Variants in IQGAP2 observed in about 807,000 individuals in gnomAD.
The protein encoded by IQGAP2 is ras GTPase-activating-like protein IQGAP2.
In IQGAP2, 173 loss-of-function variants were observed where a neutral mutation model predicts 201.3. The observed-to-expected ratio is 0.86, with a 90% CI of 0.76 to 0.98. The LOEUF is 0.98. IQGAP2 is among the 50% of genes least tolerant of loss of function. The pLI, the probability that IQGAP2 is intolerant of heterozygous loss-of-function variation, is 0.00. For missense variants in IQGAP2, 1,687 were observed against 1,864.8 expected, an observed-to-expected ratio of 0.90 and a Z score of 1.76; for synonymous variants, 675 against 673.9, an observed-to-expected ratio of 1.00 and a Z score of -0.03.
At chr5:76,619,659 A>G (rs987506112) in intron 13 of IQGAP2, among the ~76,000 whole-genome samples, 3 of 151,518 alleles carry the variant, frequency 2.0e-5, no homozygotes, top group Non-Finnish European at 4.4e-5. Flanking sequence ...TGGGACTACA[A>G]GCGCCCGCCA....
rs1250912640 is a variant in IQGAP2, at chr5:76,707,220, TGAA to T, written c.4637_4639del (p.Glu1546del). ...TTCAGGATTTACTTCAGATGCAATA[TGAA>T]GGAGTAGCTGTAATGAAAATGTTTG... On this transcript the variant is annotated inframe_deletion, in exon 36 of 36. Transcript: ENST00000274364. 1 of 1,495,330 alleles carries T rather than the reference TGAA, an allele frequency of 6.7e-7. No homozygotes were observed. The highest frequency in any genetic ancestry group is 9.3e-7 in the Non-Finnish European group (1 of 1,072,370). The allele number at this position is 1,495,330 out of a possible 1,614,324, so 92.6% of individuals were successfully genotyped here.
chr5:76,506,183 T>G (rs919020748), intron 2 of IQGAP2, among the ~76,000 whole-genome samples: 1 of 152,196 alleles, frequency 6.6e-6, no homozygotes, highest in Non-Finnish European at 1.5e-5. Context: ...TCTGAGGACT[T>G]GATCCATTCG....
intron 1 of IQGAP2, among the ~76,000 whole-genome samples, chr5:76,415,578 CATAGAGA>C (rs1751361559): frequency 6.6e-6 from 1 of 152,184 alleles, no homozygotes; most frequent in African/African-American, 2.4e-5. Context: ...TGTGTACATG[CATAGAGA>C]ATGAGGGACA....
At chr5:76,493,685 A>C (rs937517577) in intron 2 of IQGAP2, among the ~76,000 whole-genome samples, 1 of 152,144 alleles carries the variant, frequency 6.6e-6, no homozygotes, top group Non-Finnish European at 1.5e-5. Context: ...TTAAGGCAGG[A>C]ATCAGCTTCT....
At chr5:76,625,537 T>C (rs1029015161) in intron 13 of IQGAP2, among the ~76,000 whole-genome samples, 13 of 152,224 alleles carry the variant, frequency 8.5e-5, no homozygotes, top group African/African-American at 3.1e-4. Flanking sequence ...AAAATCTTGC[T>C]GATGCTTCCC....
chr5:76,585,333 A>G (rs1262417423), intron 5 of IQGAP2, among the ~76,000 whole-genome samples: 1 of 152,120 alleles, frequency 6.6e-6, no homozygotes, highest in Non-Finnish European at 1.5e-5. Flanking sequence ...GTCTGCTTAC[A>G]TTTTACTGTA....
intron 2 of IQGAP2, among the ~76,000 whole-genome samples, chr5:76,496,529 G>T (rs1233672545): frequency 6.6e-6 from 1 of 152,176 alleles, no homozygotes; most frequent in African/African-American, 2.4e-5. Flanking sequence ...TCTACTGTTG[G>T]GTAGAGGCAA....
At chr5:76,693,757 T>C (rs914287032) in intron 31 of IQGAP2, 1 of 207,114 alleles carries the variant, frequency 4.8e-6, no homozygotes, top group African/African-American at 2.3e-5. Flanking sequence ...GAGAGAGTTC[T>C]AGCTGACAGG....
At chr5:76,646,255 T>C (rs529641386) in intron 17 of IQGAP2, among the ~76,000 whole-genome samples, 1 of 152,368 alleles carries the variant, frequency 6.6e-6, no homozygotes, top group South Asian at 2.1e-4. Context: ...TGAACAACTG[T>C]TGGTGACATC....
At chr5:76,666,804 C>T (rs981776562) in intron 22 of IQGAP2, among the ~76,000 whole-genome samples, 16 of 152,138 alleles carry the variant, frequency 1.1e-4, no homozygotes, top group African/African-American at 2.7e-4. Flanking sequence ...AGTGCAGTGG[C>T]GCAACCACAG....
At chr5:76,613,218 G>T (rs1349113586) in intron 13 of IQGAP2, among the ~76,000 whole-genome samples, 1 of 152,242 alleles carries the variant, frequency 6.6e-6, no homozygotes, top group Non-Finnish European at 1.5e-5. Flanking sequence ...GAGAGTGAGG[G>T]CTCATACACA....
intron 5 of IQGAP2, among the ~76,000 whole-genome samples, chr5:76,577,609 T>A (rs369130147): frequency 2.0e-5 from 3 of 152,330 alleles, no homozygotes; most frequent in East Asian, 3.9e-4. Flanking sequence ...AGCCGAGAAG[T>A]CCCAAGTGTA....
intron 2 of IQGAP2, among the ~76,000 whole-genome samples, chr5:76,474,866 C>T (rs979972189): frequency 3.3e-5 from 5 of 152,186 alleles, no homozygotes; most frequent in African/African-American, 4.8e-5. Context: ...GCATGCATCA[C>T]CACACCTGGC....
At chr5:76,582,435 C>T (rs1233174581) in intron 5 of IQGAP2, among the ~76,000 whole-genome samples, 1 of 152,194 alleles carries the variant, frequency 6.6e-6, no homozygotes, top group Admixed American at 6.5e-5. Context: ...TGCTCTTAGT[C>T]ACACACTGAG....
In IQGAP2 at chr5:76,595,589, T is replaced by C. The variant is rs1205919838; in HGVS notation, c.908-1850T>C. On this transcript the variant is annotated intron_variant, in intron 9 of 35. Coordinates refer to ENST00000274364, the MANE Select transcript of IQGAP2 (RefSeq NM_006633.5). ...GCCTGGGCAACAAAGAGAGACTCAG[T>C]CTTTACAAAAAAAATTTAAAAATTA... Among the ~76,000 whole-genome samples, 3 of 151,780 alleles carry C rather than the reference T, an allele frequency of 2.0e-5. No homozygotes were observed. In the East Asian group the frequency reaches 5.8e-4, roughly 29 times the overall value.
intron 11 of IQGAP2, among the ~76,000 whole-genome samples, chr5:76,604,903 T>A (rs749676126): frequency 2.0e-5 from 3 of 152,202 alleles, no homozygotes; most frequent in Non-Finnish European, 4.4e-5. Context: ...CCTTGAAGCA[T>A]GCAGAATTTT....
intron 2 of IQGAP2, among the ~76,000 whole-genome samples, chr5:76,531,721 A>C (rs574462562): frequency 6.6e-6 from 1 of 152,374 alleles, no homozygotes; most frequent in East Asian, 1.9e-4. Context: ...CTTTTAAAAT[A>C]ATATGGATAA....
At chr5:76,515,872 C>CTTTTTTTTT (rs71604295) in intron 2 of IQGAP2, among the ~76,000 whole-genome samples, 2 of 102,762 alleles carry the variant, frequency 1.9e-5, no homozygotes, top group African/African-American at 7.9e-5. Context: ...AGGGGGTGAT[C>CTTTTTTTTT]TTTTTTTTTT....
intron 24 of IQGAP2, among the ~76,000 whole-genome samples, chr5:76,673,083 A>T (rs56832798): frequency 0.12 from 18,794 of 151,672 alleles, 1,193 homozygotes; most frequent in Middle Eastern, 0.2. Flanking sequence ...TAATTAATTT[A>T]AAAAAAAGAA....
Sources: allele counts gnomAD v4.1 joint callset (sites outside exome capture counted in the v4.1 genomes callset), GRCh38; gene constraint gnomAD v4.1.1; transcripts MANE v1.5; gene names NCBI Gene and HGNC (gene_info 2026-07-23, HGNC 2026-07-21).